Variants in MUC17 observed in about 807,000 individuals in gnomAD.
MUC17 encodes mucin 17, cell surface associated.
A neutral mutation model predicts 170.3 loss-of-function variants in MUC17; 190 were observed. That is an observed-to-expected ratio of 1.12 (90% CI 0.99 to 1.26). The LOEUF (loss-of-function observed/expected upper bound fraction) is 1.26, where lower values mean the gene tolerates loss of function less well. Among genes scored for constraint, MUC17 ranks in the 50% most tolerant of loss-of-function variants. The pLI is 0.00. For missense variants in MUC17, 6,415 were observed against 5,530.0 expected (o/e 1.16, Z -5.08); for synonymous variants, 2,325 against 2,002.5 (o/e 1.16, Z -4.30).
In MUC17 at chr7:101,033,488, C is replaced by T; in HGVS notation, c.2072C>T (p.Thr691Ile). The T allele has an allele frequency of 6.2e-7, 1 of 1,613,880 alleles. No individual in the cohort carries two copies. Among genetic ancestry groups the T allele is most frequent in the Non-Finnish European group, 8.5e-7 (1 of 1,179,914 alleles). ...STYTEGSTPL[T>I]SMPVNTTLVA... ...TATACTGAAGGAAGCACTCCATTAA[C>T]AAGTATGCCTGTCAACACCACACTG... The change falls in exon 3 of 13, where the codon ACA becomes ATA. Residue 691 changes from threonine (T) to isoleucine (I), a missense_variant. Thr to Ile is a moderately conservative substitution (Grantham distance 89, BLOSUM62 -1). Coordinates refer to ENST00000306151, the MANE Select transcript of MUC17 (RefSeq NM_001040105.2).
At chr7:101,024,638 A>G (rs922244198) in intron 1 of MUC17, among the ~76,000 whole-genome samples, 3 of 152,034 alleles carry the variant, frequency 2.0e-5, no homozygotes, top group African/African-American at 2.4e-5. Context: ...TTCAACATGA[A>G]CAATCTATTT....
At position 101,036,219 on chromosome 7, in the gene MUC17, A is replaced by G. The variant is rs866422778; in HGVS notation, c.4803A>G (p.Lys1601=). ...NTLSTTPIDS[K]TQVTASTEAS... ...TTTCAACAACCCCTATTGACTCCAA[A>G]ACTCAGGTGACCGCTTCTACTGAAG... Residue 1601 remains lysine, a synonymous_variant, in exon 3 of 13, where the codon AAA becomes AAG. Coordinates refer to ENST00000306151, the MANE Select transcript of MUC17 (RefSeq NM_001040105.2). 4 of 1,612,448 alleles carry G rather than the reference A, an allele frequency of 2.5e-6. No individual in the cohort carries two copies. Among genetic ancestry groups the G allele is most frequent in the Non-Finnish European group, 3.4e-6 (4 of 1,179,586 alleles).
At chr7:101,029,211 C>T (rs1040927692) in intron 1 of MUC17, among the ~76,000 whole-genome samples, 5 of 149,006 alleles carry the variant, frequency 3.4e-5, no homozygotes, top group African/African-American at 1.2e-4. Flanking sequence ...AAAAAAATAG[C>T]TGGACACGGT....
Position 101,033,220 on chromosome 7 carries a change from A to ACCACT in MUC17, c.1805_1809dup (p.Ser604ProfsTer30). The ACCACT allele has an allele frequency of 6.2e-7, 1 of 1,614,122 alleles. No homozygotes were observed. The highest frequency in any genetic ancestry group is 8.5e-7 in the Non-Finnish European group (1 of 1,180,020). On this transcript the variant is annotated frameshift_variant, in exon 3 of 13. Coordinates refer to ENST00000306151, the MANE Select transcript of MUC17 (RefSeq NM_001040105.2). LOFTEE classifies it high-confidence loss of function. ...TCCTGCTGACTCCAACACTTTTGTG[A>ACCACT]CCACTTCTAGTGAAGCTAGTTCATC...
chr7:101,022,503 A>G (rs1341409956), intron 1 of MUC17, among the ~76,000 whole-genome samples: 2 of 151,892 alleles, frequency 1.3e-5, no homozygotes, highest in Non-Finnish European at 2.9e-5. Flanking sequence ...TCAAATGTCT[A>G]CCCCAGCTCC....
At position 101,035,725 on chromosome 7, in the gene MUC17, C is replaced by T. The variant is rs768043170; in HGVS notation, c.4309C>T (p.Pro1437Ser). The change falls in exon 3 of 13, where the codon CCT becomes TCT. Residue 1437 changes from proline (P) to serine (S), a missense_variant. Transcript: ENST00000306151. ...CACTTCTGCTGAAGCCACTTCATCT[C>T]CTACAACTGCTGAAGGTATCAGCAT... ...GTTSAEATSS[P>S]TTAEGISIPT... The T allele has an allele frequency of 6.2e-7, 1 of 1,610,188 alleles. No individual in the cohort carries two copies. Among genetic ancestry groups the T allele is most frequent in the Admixed American group, 1.7e-5 (1 of 59,850 alleles).
chr7:101,050,965 G>A (rs1410349266), intron 7 of MUC17, among the ~76,000 whole-genome samples: 2 of 152,070 alleles, frequency 1.3e-5, no homozygotes, highest in African/African-American at 2.4e-5. Flanking sequence ...CTTGCAGGGT[G>A]CCAGGACTAA....
Position 101,040,616 on chromosome 7 carries a change from C to T in MUC17, c.9200C>T (p.Ser3067Leu). The T allele has an allele frequency of 6.2e-7, 1 of 1,612,258 alleles. No individual in the cohort carries two copies. The change falls in exon 3 of 13, where the codon TCA (serine) becomes TTA (leucine). Residue 3067 changes from serine to leucine, a missense_variant. By Grantham distance (145) the Ser-to-Leu change is moderately radical (BLOSUM62 -2). Transcript: ENST00000306151. ...GCCATTCCTGAGGCTAGCACCCTTT[C>T]AACAACTCCTGTTGACTCCAACAGT... ...PVAIPEASTL[S>L]TTPVDSNSPV...
chr7:101,036,080 C>T lies in MUC17; in HGVS notation c.4664C>T (p.Pro1555Leu), dbSNP rs1338218383. The T allele has an allele frequency of 1.9e-6, 3 of 1,612,328 alleles. No homozygotes were observed. Among genetic ancestry groups the T allele is most frequent in the Non-Finnish European group, 2.5e-6 (3 of 1,178,788 alleles). ...ACTTATTCTCAAGCCAGTTCATCTCCTACAACTGCTGACGGTACCAGCATG... is the reference window on the plus strand; with the variant it reads ...ACTTATTCTCAAGCCAGTTCATCTCTTACAACTGCTGACGGTACCAGCATG... Reference protein sequence around the residue: ...VTTYSQASSSPTTADGTSMQT... With the variant: ...VTTYSQASSSLTTADGTSMQT... The change falls in exon 3 of 13, where the codon CCT (proline) becomes CTT (leucine). Residue 1555 changes from proline (P) to leucine (L), a missense_variant. Transcript: ENST00000306151.
At position 101,037,569 on chromosome 7, in the gene MUC17, C is replaced by G; in HGVS notation, c.6153C>G (p.Val2051=). ...ERTTPLAGMP[V]STTLVVSSEG... is the part of the protein sequence containing the mutation. ...CCACTCCATTAGCAGGTATGCCTGT[C>G]AGCACTACGCTTGTGGTCAGTTCTG... The change falls in exon 3 of 13, where the codon GTC becomes GTG. Residue 2051 remains valine (V), a synonymous_variant. Coordinates refer to ENST00000306151, the MANE Select transcript of MUC17 (RefSeq NM_001040105.2). 1 of 1,613,798 alleles carries G rather than the reference C, an allele frequency of 6.2e-7. No homozygotes were observed. The highest frequency in any genetic ancestry group is 8.5e-7 in the Non-Finnish European group (1 of 1,179,798).
At chr7:101,030,124 T>C (rs1429672684) in intron 1 of MUC17, among the ~76,000 whole-genome samples, 1 of 152,230 alleles carries the variant, frequency 6.6e-6, no homozygotes, top group East Asian at 1.9e-4. Flanking sequence ...CCTTAAGTTC[T>C]CTTAAATGTT....
rs753777406 is a variant in MUC17 at position 101,042,350 on chromosome 7, C to T, written c.10934C>T (p.Thr3645Ile). 6 of 1,614,068 alleles carry T rather than the reference C, an allele frequency of 3.7e-6. No homozygotes were observed. The African/African-American group carries it at 8.0e-5, about 22-fold the overall frequency. The change falls in exon 3 of 13, where the codon ACA (threonine) becomes ATA (isoleucine). Residue 3645 changes from threonine (T) to isoleucine (I), a missense_variant. By Grantham distance (89) the Thr-to-Ile change is moderately conservative. Coordinates refer to ENST00000306151, the MANE Select transcript of MUC17 (RefSeq NM_001040105.2). The part of the protein sequence containing the change: ...TPLTIMPVST[T>I]SVTISEAGTA... Reference sequence around the variant, plus strand: ...TTAACCATTATGCCTGTCAGCACCACATCGGTGACCATTTCTGAGGCTGGC... The same window carrying T: ...TTAACCATTATGCCTGTCAGCACCATATCGGTGACCATTTCTGAGGCTGGC...
In MUC17 at chr7:101,033,268, A is replaced by G. The variant is rs1411849164; in HGVS notation, c.1852A>G (p.Ser618Gly). The G allele has an allele frequency of 5.0e-6, 8 of 1,614,024 alleles. No individual in the cohort carries two copies. Among genetic ancestry groups the G allele is most frequent in the Non-Finnish European group, 5.9e-6 (7 of 1,180,028 alleles). ...SSSSTTAEGT[S>G]MPTSTYSERG... ...ATCTTCTACAACTGCTGAAGGTACC[A>G]GCATGCCAACCTCAACTTACAGTGA... Residue 618 changes from serine (S) to glycine (G), a missense_variant, in exon 3 of 13, where the codon AGC (serine) becomes GGC (glycine). Ser to Gly is a moderately conservative substitution (Grantham distance 56, BLOSUM62 0). Transcript: ENST00000306151.
Position 101,040,906 on chromosome 7 carries a change from ACT to A in MUC17, c.9492_9493del (p.Pro3165IlefsTer15). On this transcript the variant is annotated frameshift_variant, in exon 3 of 13. Transcript: ENST00000306151. LOFTEE classifies it high-confidence loss of function. ...AACCTCAACTCCTAGTGAAGGAAGT[ACT>A]CCATTAACATATATGCCTGTCAGCA... ...MPTSTPSEGSTPLTYMPVSTM... is the reference protein window; with the variant it reads ...MPTSTPSEGSXPLTYMPVSTM... The A allele has an allele frequency of 6.2e-7, 1 of 1,613,152 alleles. No homozygotes were observed.
In MUC17 at chr7:101,037,009, G is replaced by T. The variant is rs1794506824; in HGVS notation, c.5593G>T (p.Gly1865Ter). 1.3e-6 allele frequency: 2 copies of T among 1,583,854 alleles called. No homozygotes were observed. Among genetic ancestry groups the T allele is most frequent in the Non-Finnish European group, 8.5e-7 (1 of 1,179,044 alleles). ...CATAGCAACCTCAACGCCTAGTGAA[G>T]GAAGCACTGCATTAACAAGTATACC... ...TSIATSTPSE[G>*]STALTSIPVS... is the part of the protein sequence containing the mutation. Residue 1865 changes from glycine (G) to a stop codon, truncating the protein, a stop_gained, in exon 3 of 13, where the codon GGA becomes TGA. Transcript: ENST00000306151. LOFTEE classifies it high-confidence loss of function.
At chr7:101,026,419 TTAGG>T (rs947510654) in intron 1 of MUC17, among the ~76,000 whole-genome samples, 2 of 152,180 alleles carry the variant, frequency 1.3e-5, no homozygotes, top group African/African-American at 4.8e-5. Context: ...ACACTCTGTC[TTAGG>T]TAGCCAACCC....
Position 101,035,991 on chromosome 7 carries a change from A to T in MUC17, c.4575A>T (p.Thr1525=), listed in dbSNP as rs2116425842. ...CAAGTATACCTGTCAGCACCACAACAGTGGCCAGTTCTGAAATCAACAGCC... is the reference window on the plus strand; with the variant it reads ...CAAGTATACCTGTCAGCACCACAACTGTGGCCAGTTCTGAAATCAACAGCC... ...ALTSIPVSTT[T]VASSEINSLS... Residue 1525 remains threonine (T), a synonymous_variant, in exon 3 of 13, where the codon ACA becomes ACT. Transcript: ENST00000306151. 3 of 1,611,380 alleles carry T rather than the reference A, an allele frequency of 1.9e-6. No homozygotes were observed. In the East Asian group the frequency reaches 6.7e-5, roughly 36 times the overall value.
chr7:101,029,080 C>G (rs570807789), intron 1 of MUC17, among the ~76,000 whole-genome samples: 1 of 151,630 alleles, frequency 6.6e-6, no homozygotes, highest in African/African-American at 2.4e-5. Context: ...CCCAGCTACT[C>G]GGGAGGCTGA....
At position 101,034,229 on chromosome 7, in the gene MUC17, G is replaced by C. The variant is rs751113703; in HGVS notation, c.2813G>C (p.Ser938Thr). 2.8e-5 allele frequency: 45 copies of C among 1,600,840 alleles called. No homozygotes were observed. The Middle Eastern group carries it at 1.0e-3, about 35-fold the overall frequency. ...CCTGACAGCACCACGCCGGTAGTCA[G>C]TTCTGAGGCTAGAACACTTTCAGCA... ...SMPDSTTPVV[S>T]SEARTLSATP... is the part of the protein sequence containing the mutation. Residue 938 changes from serine to threonine, a missense_variant, in exon 3 of 13, where the codon AGT (serine) becomes ACT (threonine). Coordinates refer to ENST00000306151, the MANE Select transcript of MUC17 (RefSeq NM_001040105.2).
Sources: allele counts gnomAD v4.1 joint callset (sites outside exome capture counted in the v4.1 genomes callset), GRCh38; gene constraint gnomAD v4.1.1; transcripts MANE v1.5; gene names NCBI Gene and HGNC (gene_info 2026-07-23, HGNC 2026-07-21).